Variants in EZH2 observed in about 807,000 individuals in gnomAD.
The protein encoded by EZH2 is enhancer of zeste 2 polycomb repressive complex 2 subunit.
A neutral mutation model predicts 98.4 loss-of-function variants in EZH2; 18 were observed. The ratio of observed to expected loss-of-function variants is 0.18; its 90% confidence interval spans 0.13 to 0.27. The LOEUF (loss-of-function observed/expected upper bound fraction) is 0.27. Among genes scored for constraint, EZH2 ranks in the 10% least tolerant of loss-of-function variants. The pLI, the probability that EZH2 is intolerant of heterozygous loss-of-function variation, is 1.00. For missense variants in EZH2, 470 were observed against 935.1 expected, an observed-to-expected ratio of 0.50 and a Z score of 6.49; for synonymous variants, 338 against 312.3, an observed-to-expected ratio of 1.08 and a Z score of -0.87.
rs1228980656 is a variant in EZH2, at chr7:148,832,708, G to A, written c.289C>T (p.Pro97Ser). 1.9e-6 allele frequency: 3 copies of A among 1,608,656 alleles called. No homozygotes were observed. The highest frequency in any genetic ancestry group is 2.5e-6 in the Non-Finnish European group (3 of 1,176,554). Residue 97 changes from proline to serine, a missense_variant, in exon 4 of 20, where the codon CCA becomes TCA. Coordinates refer to ENST00000320356, the MANE Select transcript of EZH2 (RefSeq NM_004456.5). ...SDLDFPTQVI[P>S]LKTLNAVASV... ...GCAACTGCATTCAGAGTCTTTAATG[G>A]GATGACTTGTGTTGGAAAATCCAAG...
intron 1 of EZH2, among the ~76,000 whole-genome samples, chr7:148,848,955 TAA>T (rs1404408445): frequency 6.6e-6 from 1 of 152,024 alleles, no homozygotes; most frequent in African/African-American, 2.4e-5. Flanking sequence ...TCCTGGGATA[TAA>T]GAGACTCCCA....
chr7:148,825,918 G>A (rs1282477853), intron 8 of EZH2, among the ~76,000 whole-genome samples: 3 of 151,766 alleles, frequency 2.0e-5, no homozygotes, highest in African/African-American at 4.8e-5. Flanking sequence ...AAATGCCAGA[G>A]GAAAAAAGTA....
intron 3 of EZH2, among the ~76,000 whole-genome samples, chr7:148,844,164 C>T (rs1309662838): frequency 6.6e-6 from 1 of 152,106 alleles, no homozygotes; most frequent in African/African-American, 2.4e-5. Context: ...TTTTCTCCTC[C>T]CTACCTGACC....
rs1585319248 is a variant in EZH2 at position 148,877,577 on chromosome 7, G to C, written c.-8+6587C>G. On this transcript the variant is annotated intron_variant, in intron 1 of 19. Transcript: ENST00000320356. ...CATTATCCTCACCAATTTACAGATA[G>C]GGATGCTAAGACATCAAGAGGATAA... Among the ~76,000 whole-genome samples, 3 of 152,246 alleles carry C rather than the reference G, an allele frequency of 2.0e-5. No homozygotes were observed. The East Asian group carries it at 5.8e-4, about 29-fold the overall frequency.
intron 8 of EZH2, among the ~76,000 whole-genome samples, chr7:148,820,841 A>G (rs1029994579): frequency 1.3e-5 from 2 of 152,238 alleles, no homozygotes; most frequent in Non-Finnish European, 2.9e-5. Context: ...ATTAACAAAA[A>G]TAAAACGAAC....
At chr7:148,872,074 G>A (rs1819495964) in intron 1 of EZH2, among the ~76,000 whole-genome samples, 1 of 152,084 alleles carries the variant, frequency 6.6e-6, no homozygotes, top group East Asian at 1.9e-4. Flanking sequence ...AAATCACCAA[G>A]CAACCCAAAT....
At chr7:148,867,648 T>C (rs1818736645) in intron 1 of EZH2, among the ~76,000 whole-genome samples, 1 of 152,236 alleles carries the variant, frequency 6.6e-6, no homozygotes, top group African/African-American at 2.4e-5. Flanking sequence ...TGTAAATTTC[T>C]GCAGCCAGCT....
chr7:148,854,569 C>T (rs1281616713), intron 1 of EZH2, among the ~76,000 whole-genome samples: 1 of 152,054 alleles, frequency 6.6e-6, no homozygotes, highest in Non-Finnish European at 1.5e-5. Context: ...ACTATTTATC[C>T]TTCTCAACTA....
In EZH2 at chr7:148,841,244, GA is replaced by G. The variant is rs915487346; in HGVS notation, c.246+5225del. On this transcript the variant is annotated intron_variant, in intron 3 of 19. Transcript: ENST00000320356. ...TGCTTATATTAGTTTCTGCTCACAA[GA>G]AAAAAAAAATCCTTATATGATCATT... Among the ~76,000 whole-genome samples the G allele has an allele frequency of 2.2e-3, 308 of 143,064 alleles. 1 individual carries two copies. Among genetic ancestry groups the G allele is most frequent in the African/African-American group, 7.4e-3 (290 of 39,008 alleles). 93.9% of individuals were successfully genotyped at this position (143,064 alleles called of 152,430 possible).
chr7:148,875,083 T>A (rs1554427904), intron 1 of EZH2, among the ~76,000 whole-genome samples: 1 of 152,062 alleles, frequency 6.6e-6, no homozygotes, highest in Non-Finnish European at 1.5e-5. Context: ...TTATGCAAAA[T>A]GAAGAGAATT....
At chr7:148,822,817 C>T (rs1806542702) in intron 8 of EZH2, among the ~76,000 whole-genome samples, 1 of 152,060 alleles carries the variant, frequency 6.6e-6, no homozygotes, top group Non-Finnish European at 1.5e-5. Context: ...TGGTGCGCGC[C>T]TGTAATCCCA....
intron 1 of EZH2, among the ~76,000 whole-genome samples, chr7:148,866,502 GTATATACA>G (rs1358609205): frequency 2.1e-5 from 3 of 140,690 alleles, no homozygotes; most frequent in Admixed American, 1.4e-4. Context: ...ATATATATAC[GTATATACA>G]TATATATGTG....
intron 1 of EZH2, among the ~76,000 whole-genome samples, chr7:148,864,133 A>G (rs542689814): frequency 2.0e-4 from 30 of 152,346 alleles, no homozygotes; most frequent in African/African-American, 6.3e-4. Flanking sequence ...CGTTGCAGCA[A>G]AAGTGAGTAG....
intron 17 of EZH2, among the ~76,000 whole-genome samples, chr7:148,810,011 G>A (rs762540369): frequency 3.9e-5 from 6 of 152,242 alleles, no homozygotes; most frequent in Non-Finnish European, 7.3e-5. Context: ...GCACTGACTG[G>A]AGGAGGTGTG....
At chr7:148,861,803 T>A (rs73158277) in intron 1 of EZH2, among the ~76,000 whole-genome samples, 8,266 of 143,512 alleles carry the variant, frequency 0.058, 290 homozygotes, top group Middle Eastern at 0.086. Context: ...TTCTTTTATT[T>A]AAAAAAAAAA....
At chr7:148,865,801 TG>T (rs1818356668) in intron 1 of EZH2, among the ~76,000 whole-genome samples, 1 of 152,178 alleles carries the variant, frequency 6.6e-6, no homozygotes, top group Non-Finnish European at 1.5e-5. Flanking sequence ...ATGGACTAGG[TG>T]GTTCAAACTA....
intron 8 of EZH2, among the ~76,000 whole-genome samples, chr7:148,820,340 A>C (rs1805676259): frequency 6.6e-6 from 1 of 152,212 alleles, no homozygotes; most frequent in Admixed American, 6.5e-5. Context: ...TGCTACATGA[A>C]AAGAGTGTGA....
intron 1 of EZH2, among the ~76,000 whole-genome samples, chr7:148,864,276 G>T (rs1818117934): frequency 6.6e-6 from 1 of 152,164 alleles, no homozygotes; most frequent in South Asian, 2.1e-4. Flanking sequence ...GCTTAGAAAA[G>T]AAATGGCCAT....
At chr7:148,864,181 C>A (rs1390177576) in intron 1 of EZH2, among the ~76,000 whole-genome samples, 1 of 152,198 alleles carries the variant, frequency 6.6e-6, no homozygotes, top group African/African-American at 2.4e-5. Flanking sequence ...AGTAAGATCA[C>A]TTTCCTCCTT....
Sources: allele counts gnomAD v4.1 joint callset (sites outside exome capture counted in the v4.1 genomes callset), GRCh38; gene constraint gnomAD v4.1.1; transcripts MANE v1.5; gene names NCBI Gene and HGNC (gene_info 2026-07-23, HGNC 2026-07-21).